The following ANK2 variants were observed in gnomAD, a reference collection of about 807,000 sequenced individuals.
ANK2 encodes the protein ankyrin 2, also known as ankyrin-2.
In ANK2, 83 loss-of-function variants were observed where a neutral mutation model predicts 360.5. That is an observed-to-expected ratio of 0.23 (90% CI 0.19 to 0.28). ANK2 has a LOEUF of 0.28. Ranked by LOEUF, ANK2 falls within the 10% of genes least tolerant of loss-of-function variation. The probability of loss-of-function intolerance (pLI) is 1.00; values close to 1 mark genes in which losing one functional copy is unlikely to be tolerated. For synonymous variants in ANK2, 1,740 were observed against 1,759.5 expected (o/e 0.99, Z 0.28); for missense variants, 4,201 against 4,795.7 (o/e 0.88, Z 3.66).
chr4:112,752,145 C>T, the ANK2 span, among the ~76,000 whole-genome samples: 1 of 152,178 alleles, frequency 6.6e-6, no homozygotes, highest in Non-Finnish European at 1.5e-5. Context: ...CCATATTCTC[C>T]ACTGGACACT....
intron 1 of ANK2, among the ~76,000 whole-genome samples, chr4:112,897,110 T>G (rs944215686): frequency 6.6e-6 from 1 of 152,294 alleles, no homozygotes; most frequent in Admixed American, 6.5e-5. Flanking sequence ...TTCTCTGAGC[T>G]TCTCTGATAA....
chr4:113,068,573 T>A (rs1291942245), intron 1 of ANK2, among the ~76,000 whole-genome samples: 1 of 152,162 alleles, frequency 6.6e-6, no homozygotes, highest in African/African-American at 2.4e-5. Flanking sequence ...AGATTACAGA[T>A]GTAAAGTTGA....
intron 2 of ANK2, among the ~76,000 whole-genome samples, chr4:113,044,554 TCA>T (rs1184099767): frequency 1.3e-5 from 2 of 152,184 alleles, no homozygotes; most frequent in Non-Finnish European, 2.9e-5. Context: ...CTGTATTCTC[TCA>T]CAGTTATGAA....
chr4:113,014,644 T>C (rs1333601304), intron 2 of ANK2, among the ~76,000 whole-genome samples: 2 of 152,162 alleles, frequency 1.3e-5, no homozygotes, highest in African/African-American at 2.4e-5. Context: ...AGAATCTTTT[T>C]TTTTGTTTTT....
chr4:113,373,437 C>G lies in ANK2; in HGVS notation c.11847C>G (p.Thr3949=), dbSNP rs771225003. 7.4e-6 allele frequency: 12 copies of G among 1,613,920 alleles called. No homozygotes were observed. Among genetic ancestry groups the G allele is most frequent in the Middle Eastern group, 1.6e-4 (1 of 6,080 alleles). ...AGCGTGTTGTATTGAAGAGTGACAC[C>G]GAGCAGTCAGAGGTGAGACAACCTG... ...VIKRVVLKSD[T]EQSEDNNE The change falls in exon 45 of 46, where the codon ACC becomes ACG. Residue 3949 remains threonine, a synonymous_variant. Transcript: ENST00000357077.
intron 1 of ANK2, among the ~76,000 whole-genome samples, chr4:113,139,381 G>T (rs1028626244): frequency 6.6e-6 from 1 of 152,084 alleles, no homozygotes; most frequent in Non-Finnish European, 1.5e-5. Context: ...TTATACTCTG[G>T]CTTAGGCTTC....
rs36011726 is a variant in ANK2 at position 113,376,802 on chromosome 4, G to GTTT, written c.11859+3370_11859+3372dup. 4.5e-3 allele frequency among the ~76,000 whole-genome samples: 511 copies of GTTT among 114,140 alleles called. 10 individuals carry two copies. The highest frequency in any genetic ancestry group is 6.1e-3 in the Non-Finnish European group (358 of 58,470). The allele number at this position is 114,140 out of a possible 152,430, so 74.9% of individuals were successfully genotyped here. ...TTATTATTTGTTTTTACTTTTTAAG[G>GTTT]TTTTTTTTTTTTTTTTTTTGGCTAA... is the stretch of plus-strand genomic sequence containing the variant. On this transcript the variant is annotated intron_variant, in intron 45 of 45. Transcript: ENST00000357077.
chr4:112,828,466 C>T (rs960992815), intron 1 of ANK2, among the ~76,000 whole-genome samples: 1 of 152,072 alleles, frequency 6.6e-6, no homozygotes, highest in African/African-American at 2.4e-5. Context: ...AATTCCTGAC[C>T]TCGTGATCCA....
intron 2 of ANK2, among the ~76,000 whole-genome samples, chr4:112,958,558 C>T (rs987074672): frequency 1.9e-4 from 29 of 152,178 alleles, no homozygotes; most frequent in Middle Eastern, 3.4e-3. Context: ...AGTCCAGCTT[C>T]GGCTCGGCAT....
chr4:113,199,255 C>A (rs1274375759), intron 4 of ANK2, 146 bp downstream of exon 4: 2 of 678,316 alleles, frequency 2.9e-6, no homozygotes, highest in African/African-American at 1.8e-5. Context: ...ATTTTATTAA[C>A]CTTTATGATG....
At chr4:112,725,723 G>C in the ANK2 span, among the ~76,000 whole-genome samples, 2 of 152,036 alleles carry the variant, frequency 1.3e-5, no homozygotes, top group Non-Finnish European at 2.9e-5. Flanking sequence ...ACCTAGAGTA[G>C]TCAAATTTAC....
At chr4:113,039,182 C>T (rs1018348841) in intron 2 of ANK2, among the ~76,000 whole-genome samples, 1 of 151,930 alleles carries the variant, frequency 6.6e-6, no homozygotes, top group Non-Finnish European at 1.5e-5. Context: ...TATTAATTCA[C>T]AAGAGTGATA....
intron 45 of ANK2, among the ~76,000 whole-genome samples, chr4:113,375,267 A>G (rs1243485106): frequency 6.6e-6 from 1 of 152,216 alleles, no homozygotes; most frequent in Non-Finnish European, 1.5e-5. Context: ...TGCTTTGTCA[A>G]TTAATAAGGG....
intron 1 of ANK2, among the ~76,000 whole-genome samples, chr4:113,057,032 T>C (rs2070346764): frequency 6.6e-6 from 1 of 152,194 alleles, no homozygotes; most frequent in African/African-American, 2.4e-5. Flanking sequence ...CATGGGAAAG[T>C]TCCCCCAATT....
At chr4:112,814,225 T>TAGTC (rs746382251), upstream of ANK2, among the ~76,000 whole-genome samples, 5 of 152,216 alleles carry the variant, frequency 3.3e-5, no homozygotes, top group Admixed American at 6.5e-5. Flanking sequence ...CATTTTCTTA[T>TAGTC]AGTCTTTCCT....
At chr4:113,057,749 G>T (rs535978326) in intron 1 of ANK2, among the ~76,000 whole-genome samples, 1 of 152,178 alleles carries the variant, frequency 6.6e-6, no homozygotes, top group South Asian at 2.1e-4. Context: ...GACAATTTTT[G>T]AAAGTATCTA....
chr4:113,276,808 T>C (rs1214909951), intron 15 of ANK2, among the ~76,000 whole-genome samples: 1 of 152,158 alleles, frequency 6.6e-6, no homozygotes, highest in Non-Finnish European at 1.5e-5. Flanking sequence ...TTGGGGGATA[T>C]TCTGTGTTTA....
At chr4:112,722,915 G>C in the ANK2 span, among the ~76,000 whole-genome samples, 3 of 151,922 alleles carry the variant, frequency 2.0e-5, no homozygotes, top group Non-Finnish European at 4.4e-5. Flanking sequence ...AGTGAGCCAT[G>C]ATCACGCCAC....
At chr4:113,068,313 A>T (rs1183268390) in intron 1 of ANK2, among the ~76,000 whole-genome samples, 1 of 152,204 alleles carries the variant, frequency 6.6e-6, no homozygotes, top group Non-Finnish European at 1.5e-5. Flanking sequence ...GATATAAATT[A>T]TGAAGATAGT....
Sources: allele counts gnomAD v4.1 joint callset (sites outside exome capture counted in the v4.1 genomes callset), GRCh38; gene constraint gnomAD v4.1.1; transcripts MANE v1.5; gene names NCBI Gene and HGNC (gene_info 2026-07-23, HGNC 2026-07-21).